The following LRRK2 variants were observed in gnomAD, a reference collection of about 807,000 sequenced individuals.
LRRK2 encodes the protein leucine rich repeat kinase 2.
LRRK2 carries 203 observed loss-of-function variants against 302.6 expected under a neutral mutation model. That is an observed-to-expected ratio of 0.67 (90% confidence interval 0.60 to 0.75). LRRK2 has a LOEUF of 0.75. LRRK2 is among the 30% of genes least tolerant of loss of function. The pLI is 0.00. For missense variants in LRRK2, 2,830 were observed against 2,951.0 expected, an observed-to-expected ratio of 0.96 and a Z score of 0.95; for synonymous variants, 1,066 against 1,031.9, an observed-to-expected ratio of 1.03 and a Z score of -0.63.
chr12:40,346,157 G>C (rs543545687), intron 41 of LRRK2, among the ~76,000 whole-genome samples: 1 of 151,624 alleles, frequency 6.6e-6, no homozygotes, highest in East Asian at 1.9e-4. Context: ...CCCCTTAAAA[G>C]AATTTCAGGC....
intron 28 of LRRK2, among the ~76,000 whole-genome samples, chr12:40,307,042 T>G (rs1416338121): frequency 2.6e-5 from 4 of 151,034 alleles, no homozygotes; most frequent in African/African-American, 9.7e-5. Context: ...AACTAAATAT[T>G]TTTAATATTT....
intron 4 of LRRK2, 144 bp downstream of exon 4, chr12:40,235,858 A>T: frequency 3.2e-6 from 2 of 618,672 alleles, no homozygotes; most frequent in Non-Finnish European, 5.6e-6. Context: ...CTAAAATTGC[A>T]TCTGTTTTTA....
chr12:40,322,208 A>C, intron 36 of LRRK2, 27 bp downstream of exon 36: 1 of 1,595,482 alleles, frequency 6.3e-7, no homozygotes, highest in Non-Finnish European at 8.6e-7. Context: ...GAATGTTTTC[A>C]ATTGCAACAC....
At position 40,232,346 on chromosome 12, in the gene LRRK2, G is replaced by C. The variant is rs747102017; in HGVS notation, c.310G>C (p.Asp104His). ...AATGCAAAGCTTAATGGGACCCCAG[G>C]ATGTTGGAAATGATTGGGAAGTCCT... ...GTMQSLMGPQ[D>H]VGNDWEVLGV... The change falls in exon 3 of 51, where the codon GAT becomes CAT. Residue 104 changes from aspartate to histidine, a missense_variant. Physicochemically the swap from Asp to His is moderately conservative, Grantham distance 81 (BLOSUM62 -1). Around this residue, in one of 3 missense-constraint regions of LRRK2, gnomAD observed 2,121 missense variants for 2,148.0 expected, o/e 0.99. Transcript: ENST00000298910. The C allele has an allele frequency of 3.1e-6, 5 of 1,614,110 alleles. No individual in the cohort carries two copies. Among genetic ancestry groups the C allele is most frequent in the Non-Finnish European group, 4.2e-6 (5 of 1,180,000 alleles).
At chr12:40,260,621 A>AT (rs1942727070) in intron 13 of LRRK2, among the ~76,000 whole-genome samples, 1 of 152,156 alleles carries the variant, frequency 6.6e-6, no homozygotes, top group Non-Finnish European at 1.5e-5. Context: ...GTTTATTAAA[A>AT]TTGTTTGCAG....
chr12:40,328,029 T>G (rs930040548), intron 38 of LRRK2, among the ~76,000 whole-genome samples: 1 of 152,184 alleles, frequency 6.6e-6, no homozygotes, highest in African/African-American at 2.4e-5. Flanking sequence ...AACACAAAGT[T>G]GGAAGTGTAG....
Position 40,354,346 on chromosome 12 carries a change from T to C in LRRK2, c.6624T>C (p.Pro2208=). ...RILCLALVHL[P]VEKESWIVSG... ...TGTGCTTAGCCTTGGTGCATCTTCC[T>C]GTTGAAAAGGAAAGCTGGATTGTGT... Residue 2208 remains proline, a synonymous_variant, in exon 45 of 51, where the codon CCT becomes CCC. Coordinates refer to ENST00000298910, the MANE Select transcript of LRRK2 (RefSeq NM_198578.4). 6.2e-7 allele frequency: 1 copy of C among 1,614,174 alleles called. No individual in the cohort carries two copies. The highest frequency in any genetic ancestry group is 8.5e-7 in the Non-Finnish European group (1 of 1,180,016).
chr12:40,228,152 A>G (rs1940990629), intron 2 of LRRK2, among the ~76,000 whole-genome samples: 1 of 152,070 alleles, frequency 6.6e-6, no homozygotes, highest in Admixed American at 6.6e-5. Context: ...TTTTTAAGAT[A>G]CCTCCATACT....
At chr12:40,229,623 T>C (rs1311013773) in intron 2 of LRRK2, among the ~76,000 whole-genome samples, 1 of 152,240 alleles carries the variant, frequency 6.6e-6, no homozygotes, top group East Asian at 1.9e-4. Flanking sequence ...GACTCTTTCC[T>C]GTTGTGCATT....
intron 23 of LRRK2, among the ~76,000 whole-genome samples, chr12:40,296,679 TA>T (rs971814265): frequency 4.6e-5 from 7 of 152,068 alleles, no homozygotes; most frequent in African/African-American, 1.4e-4. Flanking sequence ...TTTTTAAGCC[TA>T]AAAAATTAAT....
At chr12:40,298,874 CTATATATAATACTTATT>C (rs1565727264) in intron 24 of LRRK2, among the ~76,000 whole-genome samples, 2 of 8,240 alleles carry the variant, frequency 2.4e-4, no homozygotes, top group African/African-American at 8.8e-4. Flanking sequence ...TATATATATA[CTATATATAATACTTATT>C]ATATATATAC....
intron 21 of LRRK2, 31 bp downstream of exon 21, chr12:40,293,694 T>G (rs574602575): frequency 7.1e-7 from 1 of 1,410,788 alleles, no homozygotes; most frequent in African/African-American, 1.4e-5. Flanking sequence ...GTGATTATGT[T>G]GTGTTTTGCT....
At chr12:40,301,401 C>T (rs906413825) in intron 25 of LRRK2, among the ~76,000 whole-genome samples, 6 of 151,992 alleles carry the variant, frequency 3.9e-5, no homozygotes, top group Admixed American at 2.0e-4. Flanking sequence ...TCCAGCCTGG[C>T]GACAGAGCAA....
intron 23 of LRRK2, among the ~76,000 whole-genome samples, 162 bp downstream of exon 23, chr12:40,295,806 T>C (rs1195166054): frequency 4.6e-5 from 7 of 152,202 alleles, no homozygotes; most frequent in African/African-American, 1.4e-4. Context: ...TTAGTCTGTG[T>C]GATGTTCAGG....
In LRRK2 at chr12:40,284,092, C is replaced by G. The variant is rs1235845672; in HGVS notation, c.2459C>G (p.Pro820Arg). ...IGKVEPSWLG[P>R]LFPDKTSNLR... ...AAAGTTGAACCTTCTTGGCTTGGTCCTTTATTTCCAGATAAGACTTCTAAT... is the reference window on the plus strand; with the variant it reads ...AAAGTTGAACCTTCTTGGCTTGGTCGTTTATTTCCAGATAAGACTTCTAAT... Residue 820 changes from proline to arginine, a missense_variant, in exon 19 of 51, where the codon CCT becomes CGT. Pro to Arg is a moderately radical substitution (Grantham distance 103, BLOSUM62 -2). Around this residue, in one of 3 missense-constraint regions of LRRK2, gnomAD observed 2,121 missense variants for 2,148.0 expected, o/e 0.99. Transcript: ENST00000298910. 1.9e-6 allele frequency: 3 copies of G among 1,612,426 alleles called. No individual in the cohort carries two copies. The highest frequency in any genetic ancestry group is 2.5e-6 in the Non-Finnish European group (3 of 1,178,946).
chr12:40,242,887 A>G (rs189585345), intron 6 of LRRK2, among the ~76,000 whole-genome samples: 2 of 143,012 alleles, frequency 1.4e-5, no homozygotes, highest in Non-Finnish European at 3.0e-5. Context: ...TTCCAGGATG[A>G]CGATGATGAT....
chr12:40,338,347 A>G (rs949886485), intron 40 of LRRK2, among the ~76,000 whole-genome samples: 1 of 152,222 alleles, frequency 6.6e-6, no homozygotes, highest in African/African-American at 2.4e-5. Flanking sequence ...AAATAAATGA[A>G]TGCATTCTAT....
chr12:40,259,285 G>T (rs1291658507), intron 12 of LRRK2, among the ~76,000 whole-genome samples, 195 bp from the exon 13 acceptor site: 1 of 152,148 alleles, frequency 6.6e-6, no homozygotes, highest in Non-Finnish European at 1.5e-5. Context: ...GGATTACTAT[G>T]AATTCTATCT....
intron 3 of LRRK2, chr12:40,232,648 G>T (rs933320518): frequency 6.5e-5 from 17 of 262,522 alleles, no homozygotes; most frequent in Non-Finnish European, 1.0e-4. Context: ...TGGTTAAGTT[G>T]TAGATTTTTG....
Sources: allele counts gnomAD v4.1 joint callset (sites outside exome capture counted in the v4.1 genomes callset), GRCh38; gene constraint gnomAD v4.1.1; regional missense constraint gnomAD v4.1.1; transcripts MANE v1.5; gene names NCBI Gene and HGNC (gene_info 2026-07-23, HGNC 2026-07-21).